Variants in LDLRAD4 observed in about 807,000 individuals in gnomAD.
LDLRAD4 encodes low-density lipoprotein receptor class A domain-containing protein 4.
Under a neutral mutation model 17.0 loss-of-function variants are expected in LDLRAD4, and 5 were observed. The observed-to-expected ratio is 0.29, with a 90% confidence interval of 0.15 to 0.62. LDLRAD4 has a LOEUF of 0.62. Among genes scored for constraint, LDLRAD4 ranks in the 20% least tolerant of loss-of-function variants. The pLI is 0.84. For missense variants in LDLRAD4, 340 were observed against 424.7 expected, an observed-to-expected ratio of 0.80 and a Z score of 1.75; for synonymous variants, 168 against 171.8, an observed-to-expected ratio of 0.98 and a Z score of 0.17.
chr18:13,233,777 G>C (rs2042197482), intron 1 of LDLRAD4, among the ~76,000 whole-genome samples: 1 of 152,014 alleles, frequency 6.6e-6, no homozygotes, highest in Non-Finnish European at 1.5e-5. Flanking sequence ...CCTCGGCCCA[G>C]AACTCCAAAC....
rs1046836397 is a variant in LDLRAD4, at chr18:13,645,966, G to T, written c.*309G>T. 1.6e-5 allele frequency: 4 copies of T among 243,614 alleles called. No homozygotes were observed. The highest frequency in any genetic ancestry group is 8.9e-5 in the African/African-American group (4 of 44,864). 15.1% of individuals were successfully genotyped at this position (243,614 alleles called of 1,614,324 possible). A position where few individuals can be genotyped will look rare whatever the true frequency, so the allele number is the denominator to read the frequency against. ...ATACCATGAAATAAAACCCACAGAG[G>T]TATTTGATGTATTTAATTGTGAAAG... is the stretch of plus-strand genomic sequence containing the variant. On this transcript the variant is annotated 3_prime_UTR_variant, in exon 6 of 6. Coordinates refer to ENST00000359446, the Ensembl canonical transcript of LDLRAD4. The surrounding 1 kb of genome is among the most constrained non-coding windows in gnomAD (Gnocchi z 5.7).
intron 1 of LDLRAD4, among the ~76,000 whole-genome samples, chr18:13,266,203 T>C (rs1031256112): frequency 5.9e-5 from 9 of 152,172 alleles, no homozygotes; most frequent in African/African-American, 2.2e-4. Flanking sequence ...TTTTCGGGGC[T>C]TGTTTTTAGG....
chr18:13,477,534 G>T (rs2092973887), intron 3 of LDLRAD4, among the ~76,000 whole-genome samples: 1 of 152,228 alleles, frequency 6.6e-6, no homozygotes, highest in Admixed American at 6.5e-5. Flanking sequence ...AGGCAGCATG[G>T]CTTGGATGTT....
intron 1 of LDLRAD4, among the ~76,000 whole-genome samples, chr18:13,286,451 C>G (rs893101275): frequency 2.0e-5 from 3 of 152,206 alleles, no homozygotes; most frequent in Non-Finnish European, 4.4e-5. Flanking sequence ...TAGCTCACTG[C>G]AGCCTCAACT....
Position 13,367,279 on chromosome 18 carries a change from C to T in LDLRAD4, c.-382-20062C>T, listed in dbSNP as rs780455116. ...ATTTTGGTTCACACAGAGTCAGAAC[C>T]GCTGTGGCAGCGTGAGGGAGTTTTG... On this transcript the variant is annotated intron_variant, in intron 1 of 5. Coordinates refer to ENST00000359446, the Ensembl canonical transcript of LDLRAD4. The surrounding 1 kb of genome is among the most constrained non-coding windows in gnomAD (Gnocchi z 4.1). Among the ~76,000 whole-genome samples, 16 of 152,302 alleles carry T rather than the reference C, an allele frequency of 1.1e-4. No homozygotes were observed. Among genetic ancestry groups the T allele is most frequent in the African/African-American group, 3.6e-4 (15 of 41,550 alleles).
At chr18:13,255,095 C>G (rs985496788) in intron 1 of LDLRAD4, among the ~76,000 whole-genome samples, 2 of 152,164 alleles carry the variant, frequency 1.3e-5, no homozygotes, top group African/African-American at 4.8e-5. Flanking sequence ...CGTGAGGGCT[C>G]GAGACTAAGG....
chr18:13,636,561 T>C (rs2042103579), intron 4 of LDLRAD4, among the ~76,000 whole-genome samples: 1 of 123,002 alleles, frequency 8.1e-6, no homozygotes, highest in Admixed American at 8.6e-5. Context: ...AGCGGCGCGA[T>C]CTCTGCTCAC....
intron 3 of LDLRAD4, among the ~76,000 whole-genome samples, chr18:13,476,275 A>G (rs749992048): frequency 6.6e-6 from 1 of 152,174 alleles, no homozygotes; most frequent in Non-Finnish European, 1.5e-5. Context: ...TGAAGTCCTC[A>G]GTGTTTAAAA....
At chr18:13,499,326 A>G (rs1648600) in intron 3 of LDLRAD4, among the ~76,000 whole-genome samples, 130,617 of 136,934 alleles carry the variant, frequency 0.95, 62,364 homozygotes, top group East Asian at 0.99. Context: ...ACGTCCCGCC[A>G]TGGATACTGG....
In LDLRAD4 at chr18:13,368,333, G is replaced by A. The variant is rs565356386; in HGVS notation, c.-382-19008G>A. On this transcript the variant is annotated intron_variant, in intron 1 of 5. Transcript: ENST00000359446. ...AAGAGTCGGGGGCCCTGCAGAGAAC[G>A]GGGGCCTGGGTGTCTGAAGAGCAGG... Among the ~76,000 whole-genome samples, 331 of 152,186 alleles carry A rather than the reference G, an allele frequency of 2.2e-3. 2 individuals carry two copies. The highest frequency in any genetic ancestry group is 7.5e-3 in the African/African-American group (312 of 41,510).
At chr18:13,589,902 G>A (rs1440461477) in intron 3 of LDLRAD4, among the ~76,000 whole-genome samples, 1 of 152,188 alleles carries the variant, frequency 6.6e-6, no homozygotes, top group Non-Finnish European at 1.5e-5. Flanking sequence ...TGCTGGGCCT[G>A]CCCTGCAATC....
At chr18:13,506,312 C>T (rs1258926863) in intron 3 of LDLRAD4, among the ~76,000 whole-genome samples, 3 of 151,652 alleles carry the variant, frequency 2.0e-5, no homozygotes, top group Non-Finnish European at 4.4e-5. Flanking sequence ...TGTTGGTGTG[C>T]CGCACCCATT....
At chr18:13,513,947 G>A (rs960407976) in intron 3 of LDLRAD4, among the ~76,000 whole-genome samples, 8 of 152,194 alleles carry the variant, frequency 5.3e-5, no homozygotes, top group African/African-American at 1.9e-4. Context: ...CAGCTAGAAG[G>A]GCCATAGCTC....
intron 2 of LDLRAD4, among the ~76,000 whole-genome samples, chr18:13,412,864 G>T (rs558890292): frequency 1.3e-5 from 2 of 152,348 alleles, no homozygotes; most frequent in East Asian, 3.9e-4. Flanking sequence ...CGATCACTTT[G>T]CTCCCAGCAG....
At chr18:13,229,201 G>A (rs557525489) in intron 1 of LDLRAD4, among the ~76,000 whole-genome samples, 2 of 152,310 alleles carry the variant, frequency 1.3e-5, no homozygotes, top group East Asian at 1.9e-4. Context: ...GGGACGATTC[G>A]GGTAAAGGCC....
At chr18:13,289,059 C>T (rs957713748) in intron 1 of LDLRAD4, among the ~76,000 whole-genome samples, 9 of 152,198 alleles carry the variant, frequency 5.9e-5, no homozygotes, top group African/African-American at 1.9e-4. Flanking sequence ...ACCAGTCAGG[C>T]CTCATAAGGA....
At chr18:13,521,365 G>A (rs1754079241) in intron 3 of LDLRAD4, 1 of 152,248 alleles carries the variant, frequency 6.6e-6, no homozygotes, top group South Asian at 2.1e-4. Context: ...TGCTACAGGT[G>A]TAAAAATCAG....
At chr18:13,305,412 C>T (rs2046854712) in intron 1 of LDLRAD4, among the ~76,000 whole-genome samples, 1 of 152,174 alleles carries the variant, frequency 6.6e-6, no homozygotes, top group African/African-American at 2.4e-5. Context: ...TTTCAGTATC[C>T]ACTTAAGACA....
chr18:13,596,122 G>GT (rs2095092610), intron 3 of LDLRAD4, among the ~76,000 whole-genome samples: 1 of 152,190 alleles, frequency 6.6e-6, no homozygotes, highest in South Asian at 2.1e-4. Flanking sequence ...ATTAGTAAAT[G>GT]TTTTTTATTA....
Sources: gnomAD v4.1 joint callset for allele counts (sites outside exome capture counted in the v4.1 genomes callset) on GRCh38, gnomAD v4.1.1 for gene constraint, Gnocchi (gnomAD v3.1) non-coding constraint, MANE v1.5 for transcripts, NCBI Gene and HGNC (gene_info 2026-07-23, HGNC 2026-07-21) for gene names.